The following UBE2E1 variants were observed in gnomAD, a reference collection of about 807,000 sequenced individuals.
UBE2E1 encodes ubiquitin conjugating enzyme E2 E1.
Under a neutral mutation model 21.4 loss-of-function variants are expected in UBE2E1, and 6 were observed. The ratio of observed to expected loss-of-function variants is 0.28; its 90% confidence interval spans 0.15 to 0.55. UBE2E1 has a LOEUF of 0.55. UBE2E1 is among the 20% of genes least tolerant of loss of function. UBE2E1 has a pLI of 0.93. For missense variants in UBE2E1, 142 were observed against 236.5 expected (o/e 0.60, Z 2.62); for synonymous variants, 87 against 82.7 (o/e 1.05, Z -0.28).
intron 3 of UBE2E1, among the ~76,000 whole-genome samples, chr3:23,819,059 C>T (rs1007078437): frequency 3.3e-5 from 5 of 151,904 alleles, no homozygotes; most frequent in African/African-American, 9.7e-5. Flanking sequence ...AAGAGGCAGG[C>T]GGATCATGAG....
intron 3 of UBE2E1, among the ~76,000 whole-genome samples, chr3:23,837,005 A>G (rs1405488038): frequency 6.6e-6 from 1 of 152,204 alleles, no homozygotes; most frequent in Non-Finnish European, 1.5e-5. Context: ...CAGGTTCTGG[A>G]GCCAGACTGA....
chr3:23,839,751 C>T (rs1343260878), intron 3 of UBE2E1, among the ~76,000 whole-genome samples: 5 of 151,942 alleles, frequency 3.3e-5, no homozygotes, highest in African/African-American at 1.2e-4. Flanking sequence ...CTTAAAGATG[C>T]TATGTAACTG....
At chr3:23,873,068 A>C (rs1224071566) in intron 3 of UBE2E1, among the ~76,000 whole-genome samples, 1 of 152,132 alleles carries the variant, frequency 6.6e-6, no homozygotes, top group Non-Finnish European at 1.5e-5. Context: ...ATATTTGCAG[A>C]TGACTTTAAT....
At position 23,870,116 on chromosome 3, in the gene UBE2E1, G is replaced by A. The variant is rs1026955405; in HGVS notation, c.204-17451G>A. Reference sequence around the variant, plus strand: ...CTGGGAAGGCCCACAGCTGAGGGCTGTAACACCTTGGGCTTCTTGGCTAAT... The same window carrying A: ...CTGGGAAGGCCCACAGCTGAGGGCTATAACACCTTGGGCTTCTTGGCTAAT... On this transcript the variant is annotated intron_variant, in intron 3 of 5. Coordinates refer to ENST00000306627, the MANE Select transcript of UBE2E1 (RefSeq NM_003341.5). The surrounding 1 kb of genome is among the most constrained non-coding windows in gnomAD (Gnocchi z 4.2). 2.0e-5 allele frequency among the ~76,000 whole-genome samples: 3 copies of A among 152,102 alleles called. No individual in the cohort carries two copies. The highest frequency in any genetic ancestry group is 4.8e-5 in the African/African-American group (2 of 41,396).
At chr3:23,850,941 C>G (rs1389423501) in intron 3 of UBE2E1, among the ~76,000 whole-genome samples, 1 of 151,590 alleles carries the variant, frequency 6.6e-6, no homozygotes, top group African/African-American at 2.4e-5. Flanking sequence ...CTGCCTCAGC[C>G]TCCCAAAGTG....
chr3:23,835,844 A>G (rs994124717), intron 3 of UBE2E1, among the ~76,000 whole-genome samples: 1 of 152,238 alleles, frequency 6.6e-6, no homozygotes, highest in Non-Finnish European at 1.5e-5. Flanking sequence ...TGGATAATCT[A>G]CATAAATAAT....
At chr3:23,844,638 A>G (rs1700159726) in intron 3 of UBE2E1, among the ~76,000 whole-genome samples, 2 of 152,152 alleles carry the variant, frequency 1.3e-5, no homozygotes, top group Non-Finnish European at 2.9e-5. Flanking sequence ...GAATGGCTGT[A>G]CTCATCTCCA....
At chr3:23,875,449 A>C (rs558816701) in intron 3 of UBE2E1, among the ~76,000 whole-genome samples, 2 of 152,190 alleles carry the variant, frequency 1.3e-5, no homozygotes, top group African/African-American at 4.8e-5. Flanking sequence ...AGACAAATCT[A>C]TTCTCTTCCT....
intron 3 of UBE2E1, among the ~76,000 whole-genome samples, chr3:23,857,732 C>T (rs1202005585): frequency 1.3e-5 from 2 of 152,192 alleles, no homozygotes; most frequent in Non-Finnish European, 2.9e-5. Context: ...TGCTCTGCCT[C>T]TTTATGAACC....
At chr3:23,886,086 G>A (rs1434200215) in intron 3 of UBE2E1, among the ~76,000 whole-genome samples, 2 of 151,856 alleles carry the variant, frequency 1.3e-5, no homozygotes, top group East Asian at 1.9e-4. Flanking sequence ...CTGTAGTCTC[G>A]GCTACTCAGG....
At chr3:23,871,891 G>C (rs1700802803) in intron 3 of UBE2E1, among the ~76,000 whole-genome samples, 2 of 151,668 alleles carry the variant, frequency 1.3e-5, no homozygotes, top group African/African-American at 2.4e-5. Context: ...TTTCCAGACT[G>C]GGCAGCCAGG....
In UBE2E1 at chr3:23,887,709, C is replaced by T. The variant is rs1405733184; in HGVS notation, c.336+10C>T. Reference sequence around the variant, plus strand: ...CTTCAAGCCTCCAAAGGTAAGAAATCTCCCTGTATGCTCAAATTTACTAAT... The same window carrying T: ...CTTCAAGCCTCCAAAGGTAAGAAATTTCCCTGTATGCTCAAATTTACTAAT... On this transcript the variant is annotated intron_variant, in intron 4 of 5. Transcript: ENST00000306627. This position sits in a 1 kb window ranked among gnomAD's most constrained non-coding sequence, Gnocchi z 4.4. 1 of 1,597,842 alleles carries T rather than the reference C, an allele frequency of 6.3e-7. No individual in the cohort carries two copies. The highest frequency in any genetic ancestry group is 8.5e-7 in the Non-Finnish European group (1 of 1,175,876).
intron 3 of UBE2E1, among the ~76,000 whole-genome samples, chr3:23,860,143 G>A (rs1268543106): frequency 6.6e-6 from 1 of 152,176 alleles, no homozygotes; most frequent in Non-Finnish European, 1.5e-5. Flanking sequence ...TCAGCCCTTT[G>A]CTGCCAGCTT....
rs943666084 is a variant in UBE2E1 at position 23,891,604 on chromosome 3, C to T, written c.*998C>T. 6.6e-6 allele frequency: 1 copy of T among 152,186 alleles called. No homozygotes were observed. The highest frequency in any genetic ancestry group is 2.4e-5 in the African/African-American group (1 of 41,434). 9.4% of individuals were successfully genotyped at this position (152,186 alleles called of 1,614,324 possible). On this transcript the variant is annotated 3_prime_UTR_variant, in exon 6 of 6. Coordinates refer to ENST00000306627, the MANE Select transcript of UBE2E1 (RefSeq NM_003341.5). ...GTAGCAAGTACATGAGAAATGGGTTCCGTCATGGATAAATTGGTACCCTGC... is the reference window on the plus strand; with the variant it reads ...GTAGCAAGTACATGAGAAATGGGTTTCGTCATGGATAAATTGGTACCCTGC...
At chr3:23,861,307 C>T (rs1025260183) in intron 3 of UBE2E1, among the ~76,000 whole-genome samples, 4 of 152,172 alleles carry the variant, frequency 2.6e-5, no homozygotes, top group Admixed American at 6.5e-5. Context: ...TTATTGAAGG[C>T]TCTAAGTAGC....
At chr3:23,871,172 C>T (rs1333126502) in intron 3 of UBE2E1, among the ~76,000 whole-genome samples, 4 of 152,028 alleles carry the variant, frequency 2.6e-5, no homozygotes, top group African/African-American at 9.7e-5. Context: ...CATCATGGCC[C>T]GTTCTCAATG....
intron 3 of UBE2E1, chr3:23,878,845 A>G (rs1700975660): frequency 6.6e-6 from 2 of 305,256 alleles, no homozygotes; most frequent in South Asian, 6.3e-5. Flanking sequence ...CTATATCACA[A>G]TGTAATACTA....
chr3:23,842,326 A>C lies in UBE2E1; in HGVS notation c.203+30816A>C, dbSNP rs930091119. Among the ~76,000 whole-genome samples, 1 of 151,178 alleles carries C rather than the reference A, an allele frequency of 6.6e-6. No individual in the cohort carries two copies. ...CAGTGGTGCAGTCACGACTCACTGC[A>C]GCCTCAACCTCATGGGCTCAGGCAG... On this transcript the variant is annotated intron_variant, in intron 3 of 5. Transcript: ENST00000306627. The surrounding 1 kb of genome is among the most constrained non-coding windows in gnomAD (Gnocchi z 4.6).
chr3:23,880,120 C>T (rs13070128), intron 3 of UBE2E1, among the ~76,000 whole-genome samples: 1 of 152,138 alleles, frequency 6.6e-6, no homozygotes, highest in Admixed American at 6.5e-5. Flanking sequence ...CAGTGGCTCA[C>T]GCCTGTAATC....
Sources: allele counts gnomAD v4.1 joint callset (sites outside exome capture counted in the v4.1 genomes callset), GRCh38; gene constraint gnomAD v4.1.1; non-coding constraint Gnocchi (gnomAD v3.1); transcripts MANE v1.5; gene names NCBI Gene and HGNC (gene_info 2026-07-23, HGNC 2026-07-21).